Variants in DYNC1I1 observed in about 807,000 individuals in gnomAD.
DYNC1I1 encodes cytoplasmic dynein 1 intermediate chain 1.
DYNC1I1 carries 43 observed loss-of-function variants against 86.6 expected under a neutral mutation model. That is an observed-to-expected ratio of 0.50 (90% CI 0.39 to 0.64). The LOEUF (loss-of-function observed/expected upper bound fraction) is 0.64. DYNC1I1 is among the 30% of genes least tolerant of loss of function. The pLI, the probability that DYNC1I1 is intolerant of heterozygous loss-of-function variation, is 0.00. For missense variants in DYNC1I1, 604 were observed against 788.8 expected, an observed-to-expected ratio of 0.77 and a Z score of 2.81; for synonymous variants, 262 against 283.7, an observed-to-expected ratio of 0.92 and a Z score of 0.77.
intron 6 of DYNC1I1, among the ~76,000 whole-genome samples, chr7:95,889,342 T>A (rs1407956936): frequency 6.6e-6 from 1 of 152,172 alleles, no homozygotes; most frequent in African/African-American, 2.4e-5. Context: ...AAATTACCCC[T>A]TATAGAAACG....
intron 1 of DYNC1I1, among the ~76,000 whole-genome samples, chr7:95,787,899 A>G (rs1202907502): frequency 1.3e-5 from 2 of 152,208 alleles, no homozygotes; most frequent in Non-Finnish European, 2.9e-5. Flanking sequence ...GTCTTGAAGA[A>G]GCAAGCCATT....
chr7:95,843,195 C>T (rs1041797150), intron 5 of DYNC1I1, among the ~76,000 whole-genome samples: 1 of 152,192 alleles, frequency 6.6e-6, no homozygotes, highest in Non-Finnish European at 1.5e-5. Context: ...CCAGATCATT[C>T]TTTCCTTGGC....
chr7:95,983,098 T>A (rs1263088062), intron 7 of DYNC1I1, among the ~76,000 whole-genome samples: 1 of 152,160 alleles, frequency 6.6e-6, no homozygotes, highest in East Asian at 1.9e-4. Context: ...TGCAGGTTGG[T>A]GTCGTAGAGT....
chr7:96,093,294 C>A (rs1790901484), intron 16 of DYNC1I1, among the ~76,000 whole-genome samples: 1 of 152,116 alleles, frequency 6.6e-6, no homozygotes, highest in Admixed American at 6.6e-5. Flanking sequence ...ATATCATCAT[C>A]CTTATTTTAC....
chr7:95,903,499 G>A (rs1421815484), intron 6 of DYNC1I1, among the ~76,000 whole-genome samples: 1 of 152,184 alleles, frequency 6.6e-6, no homozygotes, highest in Non-Finnish European at 1.5e-5. Context: ...GAAAATAAGT[G>A]GAGCTGGATT....
chr7:95,942,058 CT>C (rs1221964157), intron 6 of DYNC1I1, among the ~76,000 whole-genome samples: 5 of 152,196 alleles, frequency 3.3e-5, no homozygotes, highest in Admixed American at 1.3e-4. Context: ...ACAAAAAACC[CT>C]TCAAAGAATT....
intron 6 of DYNC1I1, among the ~76,000 whole-genome samples, chr7:95,888,110 C>G (rs1481600135): frequency 2.6e-5 from 4 of 152,148 alleles, no homozygotes; most frequent in South Asian, 4.2e-4. Flanking sequence ...AGAATAACAC[C>G]TATCATTTGG....
chr7:95,882,857 A>G (rs1314155924), intron 6 of DYNC1I1, among the ~76,000 whole-genome samples: 1 of 152,198 alleles, frequency 6.6e-6, no homozygotes, highest in Non-Finnish European at 1.5e-5. Context: ...GGGTAAGAAA[A>G]TGAAAGGTTT....
At chr7:96,074,040 A>G (rs1393467201) in intron 14 of DYNC1I1, among the ~76,000 whole-genome samples, 1 of 152,244 alleles carries the variant, frequency 6.6e-6, no homozygotes, top group Non-Finnish European at 1.5e-5. Flanking sequence ...CAAACATAGT[A>G]CATAATACAT....
At chr7:95,778,691 T>C (rs1200000959) in intron 1 of DYNC1I1, among the ~76,000 whole-genome samples, 1 of 152,132 alleles carries the variant, frequency 6.6e-6, no homozygotes, top group Non-Finnish European at 1.5e-5. Context: ...AAACAGGGTC[T>C]TACTCTGTTG....
At chr7:95,798,468 A>G (rs913437530) in intron 1 of DYNC1I1, among the ~76,000 whole-genome samples, 7 of 152,096 alleles carry the variant, frequency 4.6e-5, no homozygotes, top group African/African-American at 1.4e-4. Flanking sequence ...GCTGTGAAAG[A>G]TCAAATTTCT....
chr7:96,054,867 C>G (rs778614226), intron 14 of DYNC1I1, among the ~76,000 whole-genome samples: 1 of 152,160 alleles, frequency 6.6e-6, no homozygotes, highest in African/African-American at 2.4e-5. Context: ...GGATATTAGC[C>G]CTTTGTCAGA....
intron 6 of DYNC1I1, among the ~76,000 whole-genome samples, chr7:95,906,887 G>A (rs1216270543): frequency 6.6e-6 from 1 of 152,146 alleles, no homozygotes; most frequent in Non-Finnish European, 1.5e-5. Context: ...CTGATTCTCA[G>A]AGACTGTGAA....
At chr7:96,038,020 T>C (rs1052772758) in intron 13 of DYNC1I1, among the ~76,000 whole-genome samples, 7 of 152,134 alleles carry the variant, frequency 4.6e-5, no homozygotes, top group African/African-American at 1.7e-4. Flanking sequence ...AGGATGCTGT[T>C]AAGAGCAAGT....
In DYNC1I1 at chr7:95,977,541, T is replaced by C. The variant is rs1793338259; in HGVS notation, c.520T>C (p.Ser174Pro). 3.1e-6 allele frequency: 5 copies of C among 1,613,468 alleles called. No individual in the cohort carries two copies. Among genetic ancestry groups the C allele is most frequent in the Non-Finnish European group, 1.7e-6 (2 of 1,179,732 alleles). Residue 174 changes from serine (S) to proline (P), a missense_variant, in exon 7 of 17, where the codon TCT (serine) becomes CCT (proline). Coordinates refer to ENST00000447467, the MANE Select transcript of DYNC1I1 (RefSeq NM_001135556.2). ...TGAGGAAGATGAGGAAATGGTGGAA[T>C]CTAAAGTTGGCCAGGACTCAGAACT... is the stretch of plus-strand genomic sequence containing the variant. ...EDEEDEEMVE[S>P]KVGQDSELEN... is the part of the protein sequence containing the mutation.
chr7:96,020,326 G>T (rs1346708830), intron 10 of DYNC1I1, among the ~76,000 whole-genome samples: 1 of 152,016 alleles, frequency 6.6e-6, no homozygotes, highest in Non-Finnish European at 1.5e-5. Flanking sequence ...ATAGTGGAAG[G>T]CAAGGAGGAG....
chr7:96,002,732 G>T (rs1205792723), intron 10 of DYNC1I1, among the ~76,000 whole-genome samples: 1 of 152,092 alleles, frequency 6.6e-6, no homozygotes, highest in Non-Finnish European at 1.5e-5. Context: ...ATTCATTCAG[G>T]CAACAGGAGA....
At chr7:96,029,392 GA>G (rs1434434056) in intron 11 of DYNC1I1, among the ~76,000 whole-genome samples, 2 of 152,136 alleles carry the variant, frequency 1.3e-5, no homozygotes, top group Non-Finnish European at 2.9e-5. Flanking sequence ...GAAGTAGTGT[GA>G]AACCATGCCT....
At chr7:96,052,349 AG>A (rs1440208784) in intron 14 of DYNC1I1, among the ~76,000 whole-genome samples, 1 of 152,152 alleles carries the variant, frequency 6.6e-6, no homozygotes, top group Non-Finnish European at 1.5e-5. Context: ...AAATTTAGTT[AG>A]GTAAAGGGAG....
Sources: allele counts gnomAD v4.1 joint callset (sites outside exome capture counted in the v4.1 genomes callset), GRCh38; gene constraint gnomAD v4.1.1; transcripts MANE v1.5; gene names NCBI Gene and HGNC (gene_info 2026-07-23, HGNC 2026-07-21).